MSRA: variants seen among roughly 807,000 people sequenced by gnomAD.
MSRA encodes mitochondrial peptide methionine sulfoxide reductase.
Under a neutral mutation model 31.3 loss-of-function variants are expected in MSRA, and 54 were observed. The ratio of observed to expected loss-of-function variants is 1.73; its 90% CI spans 1.39 to 2.17. The LOEUF (loss-of-function observed/expected upper bound fraction) is 2.17, where lower values mean the gene tolerates loss of function less well. Among genes scored for constraint, MSRA ranks in the 30% most tolerant of loss-of-function variants. The pLI is 0.00. For synonymous variants in MSRA, 169 were observed against 116.5 expected, an observed-to-expected ratio of 1.45 and a Z score of -2.90; for missense variants, 507 against 300.9, an observed-to-expected ratio of 1.69 and a Z score of -5.07.
chr8:10,370,354 C>T (rs895278533), intron 5 of MSRA, among the ~76,000 whole-genome samples: 2 of 152,184 alleles, frequency 1.3e-5, no homozygotes, highest in Non-Finnish European at 2.9e-5. Context: ...GTGGTCCCTC[C>T]AAAGGGCAAT....
chr8:10,378,028 G>GC (rs1361922723), intron 5 of MSRA, among the ~76,000 whole-genome samples: 1 of 152,206 alleles, frequency 6.6e-6, no homozygotes, highest in African/African-American at 2.4e-5. Flanking sequence ...AAGGCAAAAG[G>GC]CCCCGGGTGG....
intron 5 of MSRA, among the ~76,000 whole-genome samples, chr8:10,338,928 T>G (rs1281910986): frequency 1.3e-5 from 2 of 152,176 alleles, no homozygotes; most frequent in Non-Finnish European, 2.9e-5. Context: ...CTCTACAAAT[T>G]TAAGTAAGGT....
chr8:10,160,589 C>T (rs1804549110), intron 1 of MSRA, among the ~76,000 whole-genome samples: 2 of 152,090 alleles, frequency 1.3e-5, no homozygotes, highest in Non-Finnish European at 2.9e-5. Flanking sequence ...ATGAATTTAG[C>T]AGGAGGATCC....
At chr8:10,089,222 A>G (rs1202279521) in intron 1 of MSRA, among the ~76,000 whole-genome samples, 2 of 152,230 alleles carry the variant, frequency 1.3e-5, no homozygotes, top group Non-Finnish European at 2.9e-5. Context: ...TTTGCCATCT[A>G]TATGCATCCC....
intron 5 of MSRA, among the ~76,000 whole-genome samples, chr8:10,396,096 G>A (rs976846127): frequency 6.6e-6 from 1 of 152,070 alleles, no homozygotes; most frequent in African/African-American, 2.4e-5. Context: ...TCATCTCTCA[G>A]GCCTGATCCC....
intron 5 of MSRA, among the ~76,000 whole-genome samples, chr8:10,372,111 C>T (rs1249691766): frequency 1.3e-5 from 2 of 152,190 alleles, no homozygotes; most frequent in African/African-American, 4.8e-5. Flanking sequence ...GCAGTGTTGG[C>T]AGCACTGGGG....
At position 10,367,126 on chromosome 8, in the gene MSRA, C is replaced by G. The variant is rs150501980; in HGVS notation, c.543+47137C>G. On this transcript the variant is annotated intron_variant, in intron 5 of 5. Transcript: ENST00000317173. ...GAAATCACACACTGTCCCACTCCAT[C>G]TGTCCTGAGACCTGACTCATCCCTT... 4.0e-3 allele frequency among the ~76,000 whole-genome samples: 614 copies of G among 152,316 alleles called. 4 individuals are homozygous for G. The highest frequency in any genetic ancestry group is 0.014 in the African/African-American group (581 of 41,556).
intron 1 of MSRA, among the ~76,000 whole-genome samples, chr8:10,056,482 G>C (rs550031635): frequency 1.4e-5 from 2 of 146,656 alleles, no homozygotes; most frequent in African/African-American, 2.5e-5. Context: ...AGCTGTGAGT[G>C]TTTTTGGTAC....
intron 5 of MSRA, among the ~76,000 whole-genome samples, chr8:10,333,071 G>T (rs1018362312): frequency 1.1e-5 from 1 of 94,612 alleles, no homozygotes; most frequent in African/African-American, 4.1e-5. Flanking sequence ...CAGCATTCTT[G>T]TGAGGATCAA....
intron 5 of MSRA, among the ~76,000 whole-genome samples, chr8:10,359,715 G>A (rs1284264345): frequency 1.3e-5 from 2 of 151,908 alleles, no homozygotes; most frequent in Non-Finnish European, 2.9e-5. Context: ...GGTCTCAGAT[G>A]GAGGATGGTC....
intron 3 of MSRA, among the ~76,000 whole-genome samples, chr8:10,252,774 A>G (rs904649752): frequency 6.6e-6 from 1 of 152,224 alleles, no homozygotes; most frequent in South Asian, 2.1e-4. Context: ...TTTACAGTAT[A>G]CAAGGGTGAT....
intron 3 of MSRA, among the ~76,000 whole-genome samples, chr8:10,285,436 T>G (rs141185845): frequency 0.012 from 1,805 of 152,310 alleles, 42 homozygotes; most frequent in African/African-American, 0.04. Flanking sequence ...TGTGTAATGA[T>G]CAAATCAGAG....
intron 3 of MSRA, among the ~76,000 whole-genome samples, chr8:10,249,310 A>T (rs1484888398): frequency 6.6e-6 from 1 of 152,108 alleles, no homozygotes; most frequent in Non-Finnish European, 1.5e-5. Flanking sequence ...GTCTATTGTG[A>T]GTTTAGTCTG....
At chr8:10,231,697 G>T (rs1811487310) in intron 2 of MSRA, among the ~76,000 whole-genome samples, 1 of 152,188 alleles carries the variant, frequency 6.6e-6, no homozygotes, top group Admixed American at 6.5e-5. Flanking sequence ...GAGGTCAGGA[G>T]TTCAAGACCA....
chr8:10,377,426 G>C (rs141165870), intron 5 of MSRA, among the ~76,000 whole-genome samples: 1 of 152,220 alleles, frequency 6.6e-6, no homozygotes, highest in Non-Finnish European at 1.5e-5. Context: ...AAGCCAAAGT[G>C]TATTACATAG....
At chr8:10,170,305 G>T (rs1042850920) in intron 1 of MSRA, among the ~76,000 whole-genome samples, 7 of 152,142 alleles carry the variant, frequency 4.6e-5, no homozygotes, top group African/African-American at 1.7e-4. Context: ...AGTCATAAGG[G>T]TGGAGCCCTT....
chr8:10,135,861 T>C (rs1173389057), intron 1 of MSRA, among the ~76,000 whole-genome samples: 2 of 152,208 alleles, frequency 1.3e-5, no homozygotes, highest in Non-Finnish European at 2.9e-5. Context: ...CGTGGGTCTT[T>C]TCACAGAGGC....
At chr8:10,245,281 C>T in intron 3 of MSRA, 58 bp downstream of exon 3, 1 of 1,492,014 alleles carries the variant, frequency 6.7e-7, no homozygotes, top group Non-Finnish European at 9.2e-7. Flanking sequence ...CTTGTCACTA[C>T]TGTTGGGTGA....
intron 3 of MSRA, chr8:10,250,367 A>C (rs1248131798): frequency 1.0e-5 from 7 of 698,732 alleles, no homozygotes; most frequent in Non-Finnish European, 1.8e-5. Flanking sequence ...CATTTCTGGC[A>C]AGAAAACCCA....
Sources: allele counts gnomAD v4.1 joint callset (sites outside exome capture counted in the v4.1 genomes callset), GRCh38; gene constraint gnomAD v4.1.1; transcripts MANE v1.5; gene names NCBI Gene and HGNC (gene_info 2026-07-23, HGNC 2026-07-21).